The following MERTK variants were observed in gnomAD, a reference collection of about 807,000 sequenced individuals.
MERTK encodes MER proto-oncogene, tyrosine kinase.
MERTK carries 69 observed loss-of-function variants against 99.3 expected under a neutral mutation model. The observed-to-expected ratio is 0.70, with a 90% CI of 0.57 to 0.85. The LOEUF (loss-of-function observed/expected upper bound fraction) is 0.85, where lower values mean the gene tolerates loss of function less well. MERTK is among the 40% of genes least tolerant of loss of function. MERTK has a pLI of 0.00. For synonymous variants in MERTK, 426 were observed against 467.6 expected, an observed-to-expected ratio of 0.91 and a Z score of 1.15; for missense variants, 1,125 against 1,249.4, an observed-to-expected ratio of 0.90 and a Z score of 1.50.
intron 4 of MERTK, among the ~76,000 whole-genome samples, chr2:111,954,830 C>T (rs1452933383): frequency 6.6e-6 from 1 of 152,200 alleles, no homozygotes; most frequent in Non-Finnish European, 1.5e-5. Flanking sequence ...ACAGGGGTTA[C>T]TCTCAAAAGT....
intron 6 of MERTK, among the ~76,000 whole-genome samples, chr2:111,970,768 C>G (rs1337965508): frequency 1.5e-5 from 1 of 67,308 alleles, no homozygotes; most frequent in Non-Finnish European, 3.1e-5. Context: ...CCTCCTCCTC[C>G]TCCCTCCTCC....
At chr2:111,925,294 T>TATATATATATATATATATGTATA (rs1573574648) in intron 1 of MERTK, among the ~76,000 whole-genome samples, 1 of 33,544 alleles carries the variant, frequency 3.0e-5, no homozygotes, top group Non-Finnish European at 5.6e-5. Flanking sequence ...ATATATATAT[T>TATATATATATATATATATGTATA]TTTTTTTTTT....
chr2:111,955,699 A>C (rs1685135199), intron 4 of MERTK, among the ~76,000 whole-genome samples: 1 of 152,182 alleles, frequency 6.6e-6, no homozygotes, highest in Non-Finnish European at 1.5e-5. Context: ...AGCTGGGTGA[A>C]GGATGTACAG....
chr2:111,928,964 A>G (rs780258650), intron 1 of MERTK, among the ~76,000 whole-genome samples, 156 bp from the exon 2 acceptor site: 3 of 152,196 alleles, frequency 2.0e-5, no homozygotes, highest in African/African-American at 7.2e-5. Flanking sequence ...GTGAATAAGA[A>G]TATGTCCAGA....
intron 16 of MERTK, 37 bp from the exon 17 acceptor site, chr2:112,021,385 C>T (rs1198469803): frequency 6.2e-7 from 1 of 1,611,424 alleles, no homozygotes; most frequent in East Asian, 2.2e-5. Flanking sequence ...AAGGCATTGC[C>T]TCTGACGCTG....
chr2:111,996,194 T>C (rs1388167687), intron 9 of MERTK: 1 of 93,814 alleles, frequency 1.1e-5, no homozygotes, highest in Non-Finnish European at 2.4e-5. Context: ...CAAATTTCAA[T>C]TACCACAGTT....
rs1255646263 is a variant in MERTK at position 112,003,137 on chromosome 2, ATGT to A, written c.1740_1742del (p.Val581del). The A allele has an allele frequency of 1.2e-6, 2 of 1,604,358 alleles. No homozygotes were observed. The highest frequency in any genetic ancestry group is 1.1e-5 in the South Asian group (1 of 90,896). On this transcript the variant is annotated inframe_deletion, in exon 12 of 19. Coordinates refer to ENST00000295408, the MANE Select transcript of MERTK (RefSeq NM_006343.3). ...GAGGAACTACAAAATAAACTAGAAG[ATGT>A]TGTGATTGACAGGAATCTTCTAATT...
chr2:111,900,930 G>C (rs1012680007), intron 1 of MERTK, among the ~76,000 whole-genome samples: 1 of 152,180 alleles, frequency 6.6e-6, no homozygotes. Context: ...GAGACAGAGA[G>C]AGAGACAATG....
At chr2:111,938,980 C>T (rs759617925) in intron 2 of MERTK, among the ~76,000 whole-genome samples, 4 of 152,022 alleles carry the variant, frequency 2.6e-5, no homozygotes, top group Non-Finnish European at 5.9e-5. Context: ...TTTTTTGTAG[C>T]TATGGAAATT....
intron 4 of MERTK, among the ~76,000 whole-genome samples, chr2:111,959,926 A>G (rs1249950321): frequency 6.6e-6 from 1 of 152,184 alleles, no homozygotes; most frequent in Admixed American, 6.5e-5. Flanking sequence ...ACAAGCATAC[A>G]CTTCATTGGC....
At chr2:111,951,889 A>G (rs946186623) in intron 4 of MERTK, among the ~76,000 whole-genome samples, 2 of 152,140 alleles carry the variant, frequency 1.3e-5, no homozygotes, top group East Asian at 3.8e-4. Context: ...CTATTAGTAA[A>G]TAGAAAATAG....
At chr2:111,905,911 G>A (rs1684128714) in intron 1 of MERTK, among the ~76,000 whole-genome samples, 1 of 152,226 alleles carries the variant, frequency 6.6e-6, no homozygotes, top group South Asian at 2.1e-4. Flanking sequence ...CAGAAGGAAA[G>A]AGAAAGAGAG....
intron 8 of MERTK, among the ~76,000 whole-genome samples, chr2:111,991,635 C>T (rs141706813): frequency 0.011 from 1,674 of 152,188 alleles, 22 homozygotes; most frequent in Non-Finnish European, 0.011. Flanking sequence ...CTCATAGACT[C>T]GGAGTCCAGT....
chr2:111,916,797 T>C (rs1395662591), intron 1 of MERTK, among the ~76,000 whole-genome samples: 2 of 152,166 alleles, frequency 1.3e-5, no homozygotes, highest in Non-Finnish European at 2.9e-5. Context: ...GATCTTAGTT[T>C]AGTCTTCTGT....
intron 4 of MERTK, among the ~76,000 whole-genome samples, chr2:111,950,557 C>G (rs181388804): frequency 6.6e-6 from 1 of 152,196 alleles, no homozygotes; most frequent in Non-Finnish European, 1.5e-5. Context: ...TGTTTACCAA[C>G]ATTTGATTTG....
At chr2:111,903,482 G>A (rs1018709336) in intron 1 of MERTK, among the ~76,000 whole-genome samples, 1 of 152,190 alleles carries the variant, frequency 6.6e-6, no homozygotes, top group Non-Finnish European at 1.5e-5. Flanking sequence ...AAAAAAAAAT[G>A]TCAGAAGGTA....
chr2:111,927,655 C>T (rs185170026), intron 1 of MERTK, among the ~76,000 whole-genome samples: 71 of 152,242 alleles, frequency 4.7e-4, no homozygotes, highest in Admixed American at 8.5e-4. Flanking sequence ...GGTGACAGAG[C>T]AAGAAGGCCC....
intron 1 of MERTK, among the ~76,000 whole-genome samples, chr2:111,908,001 G>A (rs955733387): frequency 4.6e-5 from 7 of 152,256 alleles, no homozygotes; most frequent in South Asian, 2.1e-4. Context: ...CACCTCTTTC[G>A]TTACACTCCA....
intron 4 of MERTK, among the ~76,000 whole-genome samples, chr2:111,964,371 G>GTGTA (rs1685317420): frequency 1.6e-5 from 1 of 62,902 alleles, no homozygotes; most frequent in Non-Finnish European, 3.5e-5. Context: ...ATTGTCTCGT[G>GTGTA]TGTGTGTGTG....
Sources: gnomAD v4.1 joint callset for allele counts (sites outside exome capture counted in the v4.1 genomes callset) on GRCh38, gnomAD v4.1.1 for gene constraint, MANE v1.5 for transcripts, NCBI Gene and HGNC (gene_info 2026-07-23, HGNC 2026-07-21) for gene names.